ZNF480: variants seen among roughly 807,000 people sequenced by gnomAD.
ZNF480 encodes the protein zinc finger protein 480.
Under a neutral mutation model 14.4 loss-of-function variants are expected in ZNF480, and 15 were observed. That is an observed-to-expected ratio of 1.04 (90% CI 0.70 to 1.60). ZNF480 has a LOEUF of 1.60. Among genes scored for constraint, ZNF480 ranks in the 40% most tolerant of loss-of-function variants. The pLI is 0.00. For synonymous variants in ZNF480, 218 were observed against 215.5 expected, an observed-to-expected ratio of 1.01 and a Z score of -0.10; for missense variants, 593 against 629.7, an observed-to-expected ratio of 0.94 and a Z score of 0.62.
intron 2 of ZNF480, among the ~76,000 whole-genome samples, chr19:52,313,134 CT>C (rs33954410): frequency 0.18 from 24,114 of 131,428 alleles, 2,272 homozygotes; most frequent in African/African-American, 0.31. Context: ...AATTCTTTCT[CT>C]TTTTTTTTTT....
chr19:52,316,208 CTT>C (rs1600219725), intron 4 of ZNF480, among the ~76,000 whole-genome samples: 1 of 150,024 alleles, frequency 6.7e-6, no homozygotes, highest in African/African-American at 2.5e-5. Flanking sequence ...TTCTTTCTTT[CTT>C]TCTTTCTTTC....
rs1049632375 is a variant in ZNF480 at position 52,323,154 on chromosome 19, C to T, written c.*296C>T. 3.7e-6 allele frequency: 1 copy of T among 272,506 alleles called. No homozygotes were observed. Among genetic ancestry groups the T allele is most frequent in the Non-Finnish European group, 6.9e-6 (1 of 145,630 alleles). 16.9% of individuals were successfully genotyped at this position (272,506 alleles called of 1,614,324 possible). On this transcript the variant is annotated 3_prime_UTR_variant, in exon 5 of 5. Coordinates refer to ENST00000595962, the MANE Select transcript of ZNF480 (RefSeq NM_144684.4). ...ACCAACCCCACAGAAATACGAAAAA[C>T]CCTCAAAGATTACTATAAACACCTG...
chr19:52,314,947 G>A (rs1983478635), intron 3 of ZNF480, among the ~76,000 whole-genome samples: 1 of 152,088 alleles, frequency 6.6e-6, no homozygotes. Flanking sequence ...GGTGGTACCA[G>A]GGCGGAAGTA....
At chr19:52,303,075 A>C (rs911907109) in intron 2 of ZNF480, among the ~76,000 whole-genome samples, 1 of 152,254 alleles carries the variant, frequency 6.6e-6, no homozygotes, top group Non-Finnish European at 1.5e-5. Context: ...GGAATGGACT[A>C]CATATGAAGA....
At chr19:52,320,060 C>CGGAT (rs1243483088) in intron 4 of ZNF480, among the ~76,000 whole-genome samples, 2 of 152,028 alleles carry the variant, frequency 1.3e-5, no homozygotes, top group Non-Finnish European at 2.9e-5. Context: ...TAGTGATCCT[C>CGGAT]CTGCCTTGGC....
Position 52,306,166 on chromosome 19 carries a change from G to A in ZNF480, c.72+5682G>A, listed in dbSNP as rs148223968. 8.9e-4 allele frequency among the ~76,000 whole-genome samples: 136 copies of A among 152,266 alleles called. 1 individual carries two copies. Among genetic ancestry groups the A allele is most frequent in the African/African-American group, 3.1e-3 (128 of 41,546 alleles). On this transcript the variant is annotated intron_variant, in intron 2 of 4. Transcript: ENST00000595962. The stretch of plus-strand genomic sequence containing the variant: ...CTTTTCCCCTAATAGGTCACAGAGT[G>A]GCTTGGCACTCAGGATTGGCATTGT...
intron 3 of ZNF480, among the ~76,000 whole-genome samples, chr19:52,314,494 A>AAAAAC (rs1458267810): frequency 3.3e-5 from 5 of 151,006 alleles, no homozygotes; most frequent in African/African-American, 1.2e-4. Flanking sequence ...AAAAAAAAAA[A>AAAAAC]AAAACCAAAA....
At position 52,323,071 on chromosome 19, in the gene ZNF480, A is replaced by T. The variant is rs1181586927; in HGVS notation, c.*213A>T. 1 of 418,706 alleles carries T rather than the reference A, an allele frequency of 2.4e-6. No individual in the cohort carries two copies. Among genetic ancestry groups the T allele is most frequent in the Non-Finnish European group, 4.2e-6 (1 of 240,342 alleles). The allele number at this position is 418,706 out of a possible 1,614,324, so 25.9% of individuals were successfully genotyped here. On this transcript the variant is annotated 3_prime_UTR_variant, in exon 5 of 5. Transcript: ENST00000595962. ...GTGGAAAAGTCTTCAAAAAAATTTCACACCTTGCAAAAGGAGATCTAAAAA... is the reference window on the plus strand; with the variant it reads ...GTGGAAAAGTCTTCAAAAAAATTTCTCACCTTGCAAAAGGAGATCTAAAAA...
chr19:52,303,987 G>C (rs1982812406), intron 2 of ZNF480, among the ~76,000 whole-genome samples: 1 of 152,166 alleles, frequency 6.6e-6, no homozygotes, highest in African/African-American at 2.4e-5. Flanking sequence ...TTTTTTAAGT[G>C]ATCATAATAT....
chr19:52,318,658 G>A (rs1179496705), intron 4 of ZNF480, among the ~76,000 whole-genome samples: 1 of 151,994 alleles, frequency 6.6e-6, no homozygotes, highest in African/African-American at 2.4e-5. Flanking sequence ...ATCGTTTTAG[G>A]TCATGAATAG....
rs117084773 is a variant in ZNF480, at chr19:52,320,947, A to C, written c.329-632A>C. Among the ~76,000 whole-genome samples the C allele has an allele frequency of 6.3e-3, 954 of 152,326 alleles. 3 individuals are homozygous for C. The highest frequency in any genetic ancestry group is 0.011 in the Non-Finnish European group (738 of 68,038). On this transcript the variant is annotated intron_variant, in intron 4 of 4. Coordinates refer to ENST00000595962, the MANE Select transcript of ZNF480 (RefSeq NM_144684.4). ...GAGCTACACTATACCACTGCACTCC[A>C]GCCTGGACGATAGAGTGAGACCCTG...
At chr19:52,298,073 T>TG (rs1982496813) in intron 1 of ZNF480, among the ~76,000 whole-genome samples, 1 of 148,724 alleles carries the variant, frequency 6.7e-6, no homozygotes, top group Non-Finnish European at 1.5e-5. Flanking sequence ...TCCGGAGAGA[T>TG]GAAGGACAGC....
chr19:52,298,999 G>A (rs1982554142), intron 1 of ZNF480, among the ~76,000 whole-genome samples: 1 of 151,990 alleles, frequency 6.6e-6, no homozygotes, highest in Admixed American at 6.6e-5. Context: ...TTGATAATAT[G>A]AAATATACTT....
rs764747816 is a variant in ZNF480, at chr19:52,324,568, C to G, written c.*1710C>G. On this transcript the variant is annotated 3_prime_UTR_variant, in exon 5 of 5. Coordinates refer to ENST00000595962, the MANE Select transcript of ZNF480 (RefSeq NM_144684.4). ...TACAAGGCTACAGCAACTAAAACAG[C>G]ATGGTACTGGTATAAAAAAAGACAC... 1.3e-5 allele frequency: 2 copies of G among 152,064 alleles called. No individual in the cohort carries two copies. The highest frequency in any genetic ancestry group is 2.9e-5 in the Non-Finnish European group (2 of 68,022). The allele number at this position is 152,064 out of a possible 1,614,324, so 9.4% of individuals were successfully genotyped here.
chr19:52,316,866 A>C (rs1191144530), intron 4 of ZNF480, among the ~76,000 whole-genome samples: 1 of 152,182 alleles, frequency 6.6e-6, no homozygotes, highest in Non-Finnish European at 1.5e-5. Flanking sequence ...ATTTTGTAGC[A>C]CATCAAGAAA....
chr19:52,311,849 A>C (rs1983301919), intron 2 of ZNF480, among the ~76,000 whole-genome samples: 1 of 152,070 alleles, frequency 6.6e-6, no homozygotes. Context: ...CATCTAAAAA[A>C]TAGGTTATTG....
intron 1 of ZNF480, among the ~76,000 whole-genome samples, 169 bp from the exon 2 acceptor site, chr19:52,300,225 T>C (rs1271024309): frequency 6.6e-6 from 1 of 152,180 alleles, no homozygotes; most frequent in African/African-American, 2.4e-5. Flanking sequence ...AGTAAAAAAC[T>C]CACTTGTTGT....
At position 52,322,879 on chromosome 19, in the gene ZNF480, G is replaced by T. The variant is rs751813654; in HGVS notation, c.*21G>T. 1.3e-6 allele frequency: 2 copies of T among 1,536,018 alleles called. No homozygotes were observed. The highest frequency in any genetic ancestry group is 2.3e-5 in the East Asian group (1 of 44,104). The stretch of plus-strand genomic sequence containing the variant: ...GATAGAAACTACAAATGCAACAAAT[G>T]CGTCAAAGAATTTAGTGTGCACTCA... On this transcript the variant is annotated 3_prime_UTR_variant, in exon 5 of 5. Coordinates refer to ENST00000595962, the MANE Select transcript of ZNF480 (RefSeq NM_144684.4).
chr19:52,314,473 CAAAAAAAAAA>C (rs34349660), intron 3 of ZNF480, among the ~76,000 whole-genome samples, 194 bp downstream of exon 3: 5 of 66,208 alleles, frequency 7.6e-5, no homozygotes, highest in African/African-American at 1.9e-4. Context: ...AACTCCGTCC[CAAAAAAAAAA>C]AAAAAAAAAA....
Sources: allele counts gnomAD v4.1 joint callset (sites outside exome capture counted in the v4.1 genomes callset), GRCh38; gene constraint gnomAD v4.1.1; transcripts MANE v1.5; gene names NCBI Gene and HGNC (gene_info 2026-07-23, HGNC 2026-07-21).